Variants in TNPO1 observed in about 807,000 individuals in gnomAD.
TNPO1 encodes the protein transportin 1.
TNPO1 carries 8 observed loss-of-function variants against 119.5 expected under a neutral mutation model. The ratio of observed to expected loss-of-function variants is 0.07; its 90% CI spans 0.04 to 0.12. The LOEUF (loss-of-function observed/expected upper bound fraction) is 0.12, where lower values mean the gene tolerates loss of function less well. Ranked by LOEUF, TNPO1 falls within the 10% of genes least tolerant of loss-of-function variation. The pLI is 1.00. For synonymous variants in TNPO1, 362 were observed against 363.0 expected (o/e 1.00, Z 0.03); for missense variants, 576 against 1,089.8 (o/e 0.53, Z 6.64).
intron 24 of TNPO1, among the ~76,000 whole-genome samples, chr5:72,906,845 A>G (rs553315711): frequency 6.6e-6 from 1 of 152,314 alleles, no homozygotes; most frequent in East Asian, 1.9e-4. Context: ...AGTACAATAA[A>G]TATCAGGGTT....
chr5:72,906,280 T>C lies in TNPO1; in HGVS notation c.*35+835T>C, dbSNP rs1239926177. 3.5e-3 allele frequency among the ~76,000 whole-genome samples: 204 copies of C among 58,950 alleles called. 1 individual carries two copies. Among genetic ancestry groups the C allele is most frequent in the African/African-American group, 0.012 (195 of 16,408 alleles). 38.7% of individuals were successfully genotyped at this position (58,950 alleles called of 152,430 possible). ...TGCCCATCACTTTTTTTTTTCTTTT[T>C]TTTTTTTTTTTTTTTTTTTTTTTTT... On this transcript the variant is annotated intron_variant, in intron 24 of 24. Coordinates refer to ENST00000337273, the MANE Select transcript of TNPO1 (RefSeq NM_002270.4).
In TNPO1 at chr5:72,908,769, C is replaced by CA. The variant is rs1277267714; in HGVS notation, c.*97dup. Reference sequence around the variant, plus strand: ...CACCCAGGGAAAATGTTACCCTTTACAGGGGGGAAGGGTAAACCAGTAGGG... The same window carrying CA: ...CACCCAGGGAAAATGTTACCCTTTACAAGGGGGGAAGGGTAAACCAGTAGGG... On this transcript the variant is annotated 3_prime_UTR_variant, in exon 25 of 25. Transcript: ENST00000337273. The CA allele has an allele frequency of 4.1e-6, 1 of 242,700 alleles. No individual in the cohort carries two copies. Among genetic ancestry groups the CA allele is most frequent in the African/African-American group, 2.3e-5 (1 of 43,150 alleles). 15.0% of individuals were successfully genotyped at this position (242,700 alleles called of 1,614,324 possible).
rs1446405042 is a variant in TNPO1 at position 72,872,708 on chromosome 5, T to C, written c.666T>C (p.Asp222=). The C allele has an allele frequency of 3.7e-6, 6 of 1,608,332 alleles. No individual in the cohort carries two copies. The African/African-American group carries it at 8.0e-5, about 22-fold the overall frequency. The change falls in exon 7 of 25, where the codon GAT becomes GAC. Residue 222 remains aspartate (D), a synonymous_variant. Transcript: ENST00000337273. ...SRTQALMLHI[D]SFIENLFALA... ...CTCAAGCTCTAATGTTGCACATTGATTCTTTTATTGAGGTAAGACTTGTTC... is the reference window on the plus strand; with the variant it reads ...CTCAAGCTCTAATGTTGCACATTGACTCTTTTATTGAGGTAAGACTTGTTC...
At chr5:72,881,203 C>G (rs1027140915) in intron 9 of TNPO1, among the ~76,000 whole-genome samples, 2 of 152,060 alleles carry the variant, frequency 1.3e-5, no homozygotes, top group African/African-American at 2.4e-5. Flanking sequence ...CTCCACCACC[C>G]GGGTTCAAGT....
chr5:72,857,919 T>G (rs1746130416), intron 4 of TNPO1, among the ~76,000 whole-genome samples: 1 of 152,262 alleles, frequency 6.6e-6, no homozygotes, highest in African/African-American at 2.4e-5. Context: ...TTGGAATTAT[T>G]TAAGCACTTA....
At chr5:72,833,970 C>G (rs1011511021) in intron 1 of TNPO1, among the ~76,000 whole-genome samples, 1 of 152,170 alleles carries the variant, frequency 6.6e-6, no homozygotes, top group Non-Finnish European at 1.5e-5. Context: ...CTTGTCCTAT[C>G]CCTTTGCATA....
intron 9 of TNPO1, among the ~76,000 whole-genome samples, chr5:72,879,943 T>A (rs1748106048): frequency 6.6e-6 from 1 of 152,206 alleles, no homozygotes; most frequent in Non-Finnish European, 1.5e-5. Context: ...ACCTCAGCAC[T>A]TTGGGAGCCT....
intron 5 of TNPO1, among the ~76,000 whole-genome samples, chr5:72,863,409 G>A (rs1479855636): frequency 6.6e-6 from 1 of 152,070 alleles, no homozygotes; most frequent in Non-Finnish European, 1.5e-5. Flanking sequence ...GACCAGCCTG[G>A]GCAATATGGT....
rs938551227 is a variant in TNPO1, at chr5:72,912,487, G to A, written c.*3814G>A. ...ATACTCTTGTATTGTTTTTGCTTTGGTGACATGCTTATAAAGGGTCATCCT... is the reference window on the plus strand; with the variant it reads ...ATACTCTTGTATTGTTTTTGCTTTGATGACATGCTTATAAAGGGTCATCCT... On this transcript the variant is annotated 3_prime_UTR_variant, in exon 25 of 25. Coordinates refer to ENST00000337273, the MANE Select transcript of TNPO1 (RefSeq NM_002270.4). 3.3e-5 allele frequency: 5 copies of A among 152,376 alleles called. No homozygotes were observed. The highest frequency in any genetic ancestry group is 1.3e-4 in the Admixed American group (2 of 15,254). The allele number at this position is 152,376 out of a possible 1,614,324, so 9.4% of individuals were successfully genotyped here.
chr5:72,897,863 A>G (rs894037320), intron 20 of TNPO1, among the ~76,000 whole-genome samples: 5 of 152,088 alleles, frequency 3.3e-5, no homozygotes, highest in Admixed American at 6.6e-5. Context: ...TTATAATTCA[A>G]TGAGTATTCT....
chr5:72,862,211 TTAAAGA>T (rs1470412656), intron 5 of TNPO1: 36 of 189,504 alleles, frequency 1.9e-4, no homozygotes, highest in African/African-American at 6.8e-4. Context: ...GCCTAATCAG[TTAAAGA>T]TAGAATGAAA....
chr5:72,894,789 CATTA>C (rs1490405209), intron 18 of TNPO1, among the ~76,000 whole-genome samples: 7 of 152,148 alleles, frequency 4.6e-5, no homozygotes, highest in Non-Finnish European at 8.8e-5. Flanking sequence ...ACATAATTAA[CATTA>C]ATTATGATAT....
intron 5 of TNPO1, among the ~76,000 whole-genome samples, chr5:72,862,736 C>T (rs1746552938): frequency 6.6e-6 from 1 of 152,098 alleles, no homozygotes. Context: ...ACCTCTGCCT[C>T]CCAGAATCAA....
chr5:72,900,143 A>T, intron 21 of TNPO1, 62 bp downstream of exon 21: 1 of 1,384,810 alleles, frequency 7.2e-7, no homozygotes, highest in African/African-American at 1.4e-5. Context: ...TCTCTATCTC[A>T]CTTTTAGATA....
At chr5:72,899,005 G>A (rs556068965) in intron 20 of TNPO1, among the ~76,000 whole-genome samples, 8 of 151,966 alleles carry the variant, frequency 5.3e-5, no homozygotes, top group African/African-American at 7.2e-5. Context: ...TTACATGTAC[G>A]TACCTTTGAA....
In TNPO1 at chr5:72,908,773, G is replaced by A. The variant is rs967983852; in HGVS notation, c.*100G>A. The A allele has an allele frequency of 1.1e-5, 3 of 267,246 alleles. No homozygotes were observed. Among genetic ancestry groups the A allele is most frequent in the Admixed American group, 4.3e-5 (1 of 23,092 alleles). The allele number at this position is 267,246 out of a possible 1,614,324, so 16.6% of individuals were successfully genotyped here. A position where few individuals can be genotyped will look rare whatever the true frequency, so the allele number is the denominator to read the frequency against. On this transcript the variant is annotated 3_prime_UTR_variant, in exon 25 of 25. Transcript: ENST00000337273. The stretch of plus-strand genomic sequence containing the variant: ...CAGGGAAAATGTTACCCTTTACAGG[G>A]GGGAAGGGTAAACCAGTAGGGAATA...
chr5:72,860,670 T>G (rs1030792340), intron 4 of TNPO1, among the ~76,000 whole-genome samples: 3 of 152,238 alleles, frequency 2.0e-5, no homozygotes, highest in African/African-American at 7.2e-5. Flanking sequence ...GTAGCCTGCC[T>G]ACATGAGGGA....
chr5:72,853,025 T>C (rs1580395864), intron 3 of TNPO1, among the ~76,000 whole-genome samples: 1 of 152,240 alleles, frequency 6.6e-6, no homozygotes, highest in Non-Finnish European at 1.5e-5. Context: ...TTCACTAAGC[T>C]GTCCACTCTC....
intron 9 of TNPO1, among the ~76,000 whole-genome samples, chr5:72,880,816 C>A (rs979788782): frequency 2.2e-3 from 223 of 101,002 alleles, no homozygotes; most frequent in South Asian, 2.6e-3. Flanking sequence ...GACTCCATCT[C>A]AAAAAAAAAA....
Sources: allele counts gnomAD v4.1 joint callset (sites outside exome capture counted in the v4.1 genomes callset), GRCh38; gene constraint gnomAD v4.1.1; transcripts MANE v1.5; gene names NCBI Gene and HGNC (gene_info 2026-07-23, HGNC 2026-07-21).